The following SHISA9 variants were observed in gnomAD, a reference collection of about 807,000 sequenced individuals.
SHISA9 encodes the protein shisa family member 9, also known as protein shisa-9.
A neutral mutation model predicts 38.0 loss-of-function variants in SHISA9; 13 were observed. The observed-to-expected ratio is 0.34, with a 90% CI of 0.22 to 0.54. The LOEUF (loss-of-function observed/expected upper bound fraction) is 0.54, where lower values mean the gene tolerates loss of function less well. Among genes scored for constraint, SHISA9 ranks in the 20% least tolerant of loss-of-function variants. SHISA9 has a pLI of 0.91. For missense variants in SHISA9, 538 were observed against 575.8 expected (o/e 0.93, Z 0.67); for synonymous variants, 275 against 242.0 (o/e 1.14, Z -1.27).
rs116912165 is a variant in SHISA9 at position 12,959,126 on chromosome 16, T to C, written c.691+42311T>C. On this transcript the variant is annotated intron_variant, in intron 2 of 4. Transcript: ENST00000558583. ...AGGAGTGACATGACCTGATTTGTGT[T>C]TTAAGAGCCTGTTTGGATTTGTTTG... Among the ~76,000 whole-genome samples the C allele has an allele frequency of 5.8e-3, 880 of 152,326 alleles. 7 individuals carry two copies. The highest frequency in any genetic ancestry group is 0.034 in the Middle Eastern group (10 of 294).
At chr16:13,013,323 A>C (rs969794161) in intron 2 of SHISA9, among the ~76,000 whole-genome samples, 3 of 152,196 alleles carry the variant, frequency 2.0e-5, no homozygotes, top group Non-Finnish European at 4.4e-5. Context: ...AAGGACGCCT[A>C]TAGCCCTTTG....
chr16:13,326,433 A>C, the SHISA9 span, among the ~76,000 whole-genome samples: 1 of 152,194 alleles, frequency 6.6e-6, no homozygotes, highest in Non-Finnish European at 1.5e-5. Context: ...CAAGAGTCAA[A>C]GTCCCCACCG....
At chr16:13,414,637 T>TCTTC in the SHISA9 span, among the ~76,000 whole-genome samples, 1 of 77,288 alleles carries the variant, frequency 1.3e-5, no homozygotes, top group South Asian at 4.0e-4. Context: ...CTTTCTTTCT[T>TCTTC]CTTTCTTTCT....
the SHISA9 span, among the ~76,000 whole-genome samples, chr16:13,424,047 T>C: frequency 1.3e-5 from 2 of 152,236 alleles, no homozygotes; most frequent in African/African-American, 4.8e-5. Context: ...GCAATTGATT[T>C]GTAACCAAAC....
chr16:13,390,047 A>G, the SHISA9 span, among the ~76,000 whole-genome samples: 6 of 152,358 alleles, frequency 3.9e-5, no homozygotes, highest in South Asian at 6.2e-4. Context: ...ACTTGAAAAG[A>G]AAATCAGAAT....
At chr16:12,943,042 T>C (rs999360838) in intron 2 of SHISA9, among the ~76,000 whole-genome samples, 2 of 151,996 alleles carry the variant, frequency 1.3e-5, no homozygotes, top group South Asian at 4.2e-4. Context: ...TCCTTACAGC[T>C]CCAGGCTCCA....
chr16:13,432,029 G>T, the SHISA9 span, among the ~76,000 whole-genome samples: 1 of 152,178 alleles, frequency 6.6e-6, no homozygotes, highest in African/African-American at 2.4e-5. Context: ...CCGTTGCACT[G>T]GAGCCTGGTT....
chr16:12,936,263 C>T (rs1240102626), intron 2 of SHISA9, among the ~76,000 whole-genome samples: 3 of 152,158 alleles, frequency 2.0e-5, no homozygotes, highest in African/African-American at 7.2e-5. Flanking sequence ...TCTCCAAAGC[C>T]TTTTGAGGGT....
At chr16:13,431,363 T>C in the SHISA9 span, among the ~76,000 whole-genome samples, 3 of 152,222 alleles carry the variant, frequency 2.0e-5, no homozygotes, top group African/African-American at 7.2e-5. Context: ...CCAAAAGCAA[T>C]TTCTATTGAA....
chr16:13,171,680 A>G (rs953397556), intron 2 of SHISA9, among the ~76,000 whole-genome samples: 3 of 152,014 alleles, frequency 2.0e-5, no homozygotes, highest in Non-Finnish European at 4.4e-5. Context: ...GCAAAGAGCA[A>G]AAAAGTGGGG....
chr16:13,114,928 A>ATCCATCCG (rs1453085250), intron 2 of SHISA9, among the ~76,000 whole-genome samples: 1 of 151,842 alleles, frequency 6.6e-6, no homozygotes, highest in African/African-American at 2.4e-5. Flanking sequence ...CCATCCATCC[A>ATCCATCCG]TCCATCCATC....
At chr16:13,402,536 A>G in the SHISA9 span, among the ~76,000 whole-genome samples, 2 of 130,022 alleles carry the variant, frequency 1.5e-5, no homozygotes, top group East Asian at 4.4e-4. Flanking sequence ...TTTTTTTGAG[A>G]CAGAGTCTCA....
chr16:13,385,940 A>G, the SHISA9 span, among the ~76,000 whole-genome samples: 3 of 152,212 alleles, frequency 2.0e-5, no homozygotes, highest in African/African-American at 7.2e-5. Context: ...TATCCTTGAA[A>G]TGACAAAATT....
chr16:13,379,258 A>G, the SHISA9 span, among the ~76,000 whole-genome samples: 4 of 152,362 alleles, frequency 2.6e-5, no homozygotes, highest in East Asian at 7.7e-4. Context: ...GTTCACATTC[A>G]TCTTATTTTG....
intron 2 of SHISA9, among the ~76,000 whole-genome samples, chr16:12,941,378 AATGTTTTTG>A (rs554318100): frequency 3.0e-4 from 46 of 152,294 alleles, no homozygotes; most frequent in Admixed American, 2.8e-3. Flanking sequence ...GTTATATTTT[AATGTTTTTG>A]ATACATAATA....
chr16:13,402,047 A>C, the SHISA9 span, among the ~76,000 whole-genome samples: 1 of 152,180 alleles, frequency 6.6e-6, no homozygotes, highest in African/African-American at 2.4e-5. Flanking sequence ...GGATTATAGG[A>C]GCTACAATTC....
the SHISA9 span, among the ~76,000 whole-genome samples, chr16:13,450,210 T>C: frequency 3.9e-5 from 6 of 152,344 alleles, no homozygotes; most frequent in Middle Eastern, 3.4e-3. Flanking sequence ...TAATTAACTT[T>C]TCCTTTAGTT....
chr16:13,453,633 G>A, the SHISA9 span, among the ~76,000 whole-genome samples: 8 of 152,292 alleles, frequency 5.3e-5, no homozygotes, highest in Admixed American at 2.6e-4. Flanking sequence ...ATGCAGGAAC[G>A]AGCCCACCCG....
the SHISA9 span, among the ~76,000 whole-genome samples, chr16:13,336,238 C>T: frequency 6.6e-6 from 1 of 152,168 alleles, no homozygotes; most frequent in African/African-American, 2.4e-5. Context: ...TAATACTCAT[C>T]CTTCTCTGTG....
Sources: allele counts gnomAD v4.1 joint callset (sites outside exome capture counted in the v4.1 genomes callset), GRCh38; gene constraint gnomAD v4.1.1; transcripts MANE v1.5; gene names NCBI Gene and HGNC (gene_info 2026-07-23, HGNC 2026-07-21).